Variants in USH2A observed in about 807,000 individuals in gnomAD.
The protein encoded by USH2A is Usher syndrome 2A (autosomal recessive, mild).
In USH2A, 443 loss-of-function variants were observed where a neutral mutation model predicts 538.9. The observed-to-expected ratio is 0.82, with a 90% CI of 0.76 to 0.89. USH2A has a LOEUF of 0.89. Among genes scored for constraint, USH2A ranks in the 40% least tolerant of loss-of-function variants. USH2A has a pLI of 0.00. For synonymous variants in USH2A, 2,413 were observed against 2,273.5 expected (o/e 1.06, Z -1.75); for missense variants, 6,633 against 6,324.8 (o/e 1.05, Z -1.65).
At chr1:216,087,104 G>C (rs955396799) in intron 23 of USH2A, among the ~76,000 whole-genome samples, 1 of 152,132 alleles carries the variant, frequency 6.6e-6, no homozygotes. Flanking sequence ...GTTCCAGTAC[G>C]AACTGCCAGG....
At chr1:216,277,530 T>C (rs142561621) in intron 11 of USH2A, among the ~76,000 whole-genome samples, 80 of 152,202 alleles carry the variant, frequency 5.3e-4, no homozygotes, top group Non-Finnish European at 1.0e-3. Flanking sequence ...ACAGAAGTTA[T>C]CCTGTTCTGT....
intron 4 of USH2A, among the ~76,000 whole-genome samples, chr1:216,340,342 G>GT (rs2038052815): frequency 6.6e-6 from 1 of 151,872 alleles, no homozygotes; most frequent in Non-Finnish European, 1.5e-5. Context: ...AATTGAGGCA[G>GT]TAATTAATAG....
intron 12 of USH2A, 115 bp downstream of exon 12, chr1:216,250,788 T>C: frequency 2.7e-6 from 3 of 1,123,504 alleles, no homozygotes; most frequent in South Asian, 2.7e-5. Context: ...TGTTTTTTTT[T>C]CCAGCCTGTC....
At chr1:215,970,539 G>T in intron 36 of USH2A, 86 bp downstream of exon 36, 1 of 1,551,876 alleles carries the variant, frequency 6.4e-7, no homozygotes, top group Non-Finnish European at 8.9e-7. Flanking sequence ...TGTGCAGAGG[G>T]TGAGTCACCG....
At chr1:216,387,918 T>C (rs531728376) in intron 3 of USH2A, among the ~76,000 whole-genome samples, 32 of 152,252 alleles carry the variant, frequency 2.1e-4, no homozygotes, top group African/African-American at 6.0e-4. Flanking sequence ...TACTCAAATA[T>C]CTAGTTGAAT....
chr1:215,922,072 A>G (rs1327354591), intron 38 of USH2A, among the ~76,000 whole-genome samples: 1 of 152,128 alleles, frequency 6.6e-6, no homozygotes, highest in Non-Finnish European at 1.5e-5. Flanking sequence ...CCTAGAATCC[A>G]GGATGAAGAT....
intron 4 of USH2A, among the ~76,000 whole-genome samples, chr1:216,333,230 C>A (rs1254762540): frequency 6.6e-6 from 1 of 151,558 alleles, no homozygotes; most frequent in East Asian, 1.9e-4. Context: ...GATCACGAGC[C>A]CAGCAGTTTG....
At chr1:215,895,656 T>C (rs1390052525) in intron 40 of USH2A, among the ~76,000 whole-genome samples, 1 of 152,186 alleles carries the variant, frequency 6.6e-6, no homozygotes, top group Non-Finnish European at 1.5e-5. Context: ...ATTTCCTTCA[T>C]TGCCCTCTCC....
intron 67 of USH2A, among the ~76,000 whole-genome samples, chr1:215,642,656 G>A (rs1412411891): frequency 3.9e-5 from 6 of 152,092 alleles, no homozygotes; most frequent in African/African-American, 7.2e-5. Context: ...TACCGTCTGT[G>A]TGCTCGAGGT....
At chr1:216,274,018 A>G (rs2036623610) in intron 11 of USH2A, among the ~76,000 whole-genome samples, 1 of 152,126 alleles carries the variant, frequency 6.6e-6, no homozygotes, top group Admixed American at 6.6e-5. Flanking sequence ...CGCTAAAGTT[A>G]AAACCTAGGA....
At chr1:216,120,767 C>T (rs2033121051) in intron 21 of USH2A, among the ~76,000 whole-genome samples, 1 of 151,904 alleles carries the variant, frequency 6.6e-6, no homozygotes, top group Admixed American at 6.6e-5. Flanking sequence ...AGGAGAATCG[C>T]TTGAACCCGG....
chr1:216,052,375 A>AG, intron 30 of USH2A, among the ~76,000 whole-genome samples: 1 of 151,916 alleles, frequency 6.6e-6, no homozygotes, highest in South Asian at 2.1e-4. Context: ...AAAAAAAAAA[A>AG]AAAGAAAGAA....
chr1:215,759,508 T>G, intron 57 of USH2A, 152 bp downstream of exon 57: 1 of 883,836 alleles, frequency 1.1e-6, no homozygotes, highest in Non-Finnish European at 1.7e-6. Flanking sequence ...AAAGACTGAA[T>G]GATTTAGCAC....
chr1:216,384,281 T>TA (rs2038968023), intron 3 of USH2A, among the ~76,000 whole-genome samples: 1 of 151,790 alleles, frequency 6.6e-6, no homozygotes, highest in Non-Finnish European at 1.5e-5. Context: ...CCCCTTTATT[T>TA]AAAAAAATAA....
chr1:216,214,189 T>G (rs2035300287), intron 15 of USH2A, among the ~76,000 whole-genome samples: 1 of 152,034 alleles, frequency 6.6e-6, no homozygotes, highest in Non-Finnish European at 1.5e-5. Context: ...AGCCTTTTTA[T>G]TCTCAGGATA....
At chr1:216,177,243 G>C (rs887349299) in intron 20 of USH2A, among the ~76,000 whole-genome samples, 1 of 152,106 alleles carries the variant, frequency 6.6e-6, no homozygotes, top group African/African-American at 2.4e-5. Context: ...CAGTGTTCCA[G>C]ATTTTGGCCA....
chr1:216,018,837 A>AT (rs1187972158), intron 32 of USH2A, among the ~76,000 whole-genome samples: 27 of 151,822 alleles, frequency 1.8e-4, no homozygotes, highest in South Asian at 2.1e-4. Flanking sequence ...ATATTTACAT[A>AT]TTTTTTTCTT....
intron 41 of USH2A, among the ~76,000 whole-genome samples, chr1:215,883,678 T>G (rs1005009949): frequency 6.6e-6 from 1 of 152,144 alleles, no homozygotes; most frequent in African/African-American, 2.4e-5. Context: ...AAAATGCAGA[T>G]TCTACCTACA....
At chr1:216,261,460 A>T (rs2102566681) in intron 11 of USH2A, among the ~76,000 whole-genome samples, 1 of 151,642 alleles carries the variant, frequency 6.6e-6, no homozygotes, top group African/African-American at 2.4e-5. Flanking sequence ...AAAAAAAAAA[A>T]AAAAGGCTGG....
Sources: gnomAD v4.1 joint callset for allele counts (sites outside exome capture counted in the v4.1 genomes callset) on GRCh38, gnomAD v4.1.1 for gene constraint, MANE v1.5 for transcripts, NCBI Gene and HGNC (gene_info 2026-07-23, HGNC 2026-07-21) for gene names.